Variants in UAP1 observed in about 807,000 individuals in gnomAD.
UAP1 encodes the protein UDP-N-acetylhexosamine pyrophosphorylase.
UAP1 carries 25 observed loss-of-function variants against 58.5 expected under a neutral mutation model. The observed-to-expected ratio is 0.43, with a 90% CI of 0.31 to 0.60. The LOEUF (loss-of-function observed/expected upper bound fraction) is 0.60. UAP1 is among the 20% of genes least tolerant of loss of function. UAP1 has a pLI of 0.11. For synonymous variants in UAP1, 208 were observed against 213.0 expected (o/e 0.98, Z 0.21); for missense variants, 575 against 630.0 (o/e 0.91, Z 0.93).
At chr1:162,591,433 TGTA>T (rs773285354) in intron 8 of UAP1, among the ~76,000 whole-genome samples, 2 of 152,194 alleles carry the variant, frequency 1.3e-5, no homozygotes, top group African/African-American at 2.4e-5. Flanking sequence ...AAGAAGGTAT[TGTA>T]GTTATTTAAA....
chr1:162,588,729 AAAG>A, exon 7 of UAP1: 1 of 1,612,534 alleles, frequency 6.2e-7, no homozygotes, highest in Non-Finnish European at 8.5e-7. Flanking sequence ...ATGTGGCTCA[AAAG>A]AAGATTCCTT....
At chr1:162,581,433 C>G (rs1557972688) in exon 5 of UAP1, 1 of 1,613,930 alleles carries the variant, frequency 6.2e-7, no homozygotes, top group East Asian at 2.2e-5. Context: ...ATTTTGCATT[C>G]AGAAAGGAGC....
chr1:162,569,605 C>T (rs1284840343), intron 2 of UAP1, among the ~76,000 whole-genome samples: 1 of 152,158 alleles, frequency 6.6e-6, no homozygotes, highest in East Asian at 1.9e-4. Flanking sequence ...AATTCCCATT[C>T]TTTATTAAAA....
chr1:162,575,104 T>G (rs775836199), intron 2 of UAP1, among the ~76,000 whole-genome samples: 1 of 152,226 alleles, frequency 6.6e-6, no homozygotes, highest in Non-Finnish European at 1.5e-5. Context: ...AGTCCCGCTG[T>G]GTTGCCCAGG....
At chr1:162,565,158 T>C (rs1013695165) in intron 1 of UAP1, among the ~76,000 whole-genome samples, 2 of 152,142 alleles carry the variant, frequency 1.3e-5, no homozygotes, top group African/African-American at 2.4e-5. Context: ...TAATCTTATC[T>C]ATGTAGTCTG....
exon 11 of UAP1, chr1:162,599,831 C>T (rs1655830598): frequency 6.6e-6 from 1 of 152,254 alleles, no homozygotes; most frequent in African/African-American, 2.4e-5. Context: ...ATCTTCTTGT[C>T]TCTGGAGTGT....
chr1:162,581,580 A>G, intron 5 of UAP1, 121 bp downstream of exon 5: 2 of 1,069,534 alleles, frequency 1.9e-6, no homozygotes, highest in Admixed American at 5.2e-5. Context: ...TTATCTCTCT[A>G]AAGTAACTAA....
chr1:162,589,109 T>A (rs1280818268), intron 7 of UAP1, among the ~76,000 whole-genome samples: 7 of 119,374 alleles, frequency 5.9e-5, no homozygotes, highest in Admixed American at 4.7e-4. Flanking sequence ...ATATATATAT[T>A]ATATATATAT....
At chr1:162,587,909 C>T (rs1317056725) in intron 6 of UAP1, 6 of 394,538 alleles carry the variant, frequency 1.5e-5, no homozygotes, top group Non-Finnish European at 2.7e-5. Context: ...TTTCTCCCTT[C>T]TCACCCTCCC....
At position 162,583,936 on chromosome 1, in the gene UAP1, G is replaced by T. The variant is rs533074783; in HGVS notation, c.834+2477G>T. ...ATTACAGGCGTGAGCCACTGCACCC[G>T]GCCAGAGTTCTAGTACTTTATAAGA... On this transcript the variant is annotated intron_variant, in intron 5 of 10. Coordinates refer to ENST00000271469, the Ensembl canonical transcript of UAP1. 2.0e-5 allele frequency among the ~76,000 whole-genome samples: 3 copies of T among 152,252 alleles called. No individual in the cohort carries two copies. The East Asian group carries it at 5.8e-4, about 29-fold the overall frequency.
chr1:162,579,371 A>G, intron 3 of UAP1, 57 bp from the exon 4 acceptor site: 1 of 1,262,462 alleles, frequency 7.9e-7, no homozygotes, highest in Non-Finnish European at 1.0e-6. Flanking sequence ...ACGAAACTTT[A>G]TTTTGCCCTA....
intron 5 of UAP1, among the ~76,000 whole-genome samples, chr1:162,581,832 A>C (rs532031275): frequency 6.6e-6 from 1 of 152,364 alleles, no homozygotes; most frequent in East Asian, 1.9e-4. Flanking sequence ...TAGAAATAAC[A>C]GATTTAGACT....
At chr1:162,594,840 G>A (rs1655525370) in intron 9 of UAP1, among the ~76,000 whole-genome samples, 1 of 152,146 alleles carries the variant, frequency 6.6e-6, no homozygotes, top group Non-Finnish European at 1.5e-5. Context: ...TAATTAAAGT[G>A]AAATCAAAGT....
chr1:162,563,374 TA>T (rs1357906309), intron 1 of UAP1, among the ~76,000 whole-genome samples: 5 of 152,088 alleles, frequency 3.3e-5, no homozygotes, highest in Non-Finnish European at 5.9e-5. Flanking sequence ...TTTTTATTTT[TA>T]TTTTTTGAGA....
chr1:162,590,561 C>T (rs746182731), intron 8 of UAP1, 50 bp downstream of exon 8: 15 of 1,471,950 alleles, frequency 1.0e-5, no homozygotes, highest in African/African-American at 2.8e-5. Context: ...TGGACTTTTC[C>T]TCTTGGACTT....
exon 2 of UAP1, chr1:162,566,113 A>G (rs1260629970): frequency 6.2e-7 from 1 of 1,612,926 alleles, no homozygotes; most frequent in Non-Finnish European, 8.5e-7. Context: ...AAGCTGGGCA[A>G]GAGCACCTAC....
intron 10 of UAP1, among the ~76,000 whole-genome samples, chr1:162,599,008 G>A (rs1358738766): frequency 2.6e-5 from 4 of 151,972 alleles, no homozygotes; most frequent in African/African-American, 7.3e-5. Flanking sequence ...AGTTAACTCT[G>A]TGAGAGATGA....
exon 7 of UAP1, chr1:162,588,752 C>T (rs1316953506): frequency 6.2e-7 from 1 of 1,612,060 alleles, no homozygotes; most frequent in Non-Finnish European, 8.5e-7. Flanking sequence ...TATGTGGATA[C>T]CCAAGGACAG....
At chr1:162,575,100 G>A (rs1046128728) in intron 2 of UAP1, among the ~76,000 whole-genome samples, 7 of 152,182 alleles carry the variant, frequency 4.6e-5, no homozygotes, top group Middle Eastern at 6.8e-3. Context: ...ACAGAGTCCC[G>A]CTGTGTTGCC....
Sources: gnomAD v4.1 joint callset for allele counts (sites outside exome capture counted in the v4.1 genomes callset) on GRCh38, gnomAD v4.1.1 for gene constraint, MANE v1.5 for transcripts, NCBI Gene and HGNC (gene_info 2026-07-23, HGNC 2026-07-21) for gene names.